The following MYO1C variants were observed in gnomAD, a reference collection of about 807,000 sequenced individuals.
MYO1C encodes unconventional myosin-Ic.
A neutral mutation model predicts 150.8 loss-of-function variants in MYO1C; 104 were observed. The ratio of observed to expected loss-of-function variants is 0.69; its 90% CI spans 0.59 to 0.81. MYO1C has a LOEUF of 0.81. Among genes scored for constraint, MYO1C ranks in the 30% least tolerant of loss-of-function variants. The pLI is 0.00. For missense variants in MYO1C, 1,504 were observed against 1,435.0 expected (o/e 1.05, Z -0.78); for synonymous variants, 663 against 579.9 (o/e 1.14, Z -2.06).
rs772024847 is a variant in MYO1C at position 1,465,763 on chromosome 17, GGAGA to G, written c.3166-15_3166-12del. 2.3e-6 allele frequency: 3 copies of G among 1,319,814 alleles called. No homozygotes were observed. Among genetic ancestry groups the G allele is most frequent in the South Asian group, 5.8e-5 (2 of 34,656 alleles). The allele number at this position is 1,319,814 out of a possible 1,614,324, so 81.8% of individuals were successfully genotyped here. A position where few individuals can be genotyped will look rare whatever the true frequency, so the allele number is the denominator to read the frequency against. On this transcript the variant is annotated splice_polypyrimidine_tract_variant and intron_variant, in intron 31 of 31. Transcript: ENST00000648651. ...CAGCCGTGGGGCGACCTGTGGGGGCGGAGAGAGACGGCCAAGTGGTGAGGGGAGC... is the reference window on the plus strand; with the variant it reads ...CAGCCGTGGGGCGACCTGTGGGGGCGGAGACGGCCAAGTGGTGAGGGGAGC...
chr17:1,470,773 T>C (rs1270898336), intron 21 of MYO1C, 84 bp from the exon 22 acceptor site: 1 of 1,400,904 alleles, frequency 7.1e-7, no homozygotes, highest in African/African-American at 1.4e-5. Flanking sequence ...ACGAGTGGCA[T>C]GAATGGGAGA....
At chr17:1,491,732 G>T (rs972007417) in intron 1 of MYO1C, 2 of 818,898 alleles carry the variant, frequency 2.4e-6, no homozygotes, top group African/African-American at 3.7e-5. Context: ...ATCCCGGGCA[G>T]GGCCGCGCAC....
At position 1,478,549 on chromosome 17, in the gene MYO1C, G is replaced by A. The variant is rs2074447598; in HGVS notation, c.1213-57C>T. On this transcript the variant is annotated intron_variant, in intron 10 of 31. Transcript: ENST00000648651. This position sits in a 1 kb window ranked among gnomAD's most constrained non-coding sequence, Gnocchi z 6.3. The stretch of plus-strand genomic sequence containing the variant: ...CCCCTGCGCGTGCCAGCCCCACCCT[G>A]CAGCACCCCCCGCCTCGCCGACGGC... 1 of 1,613,758 alleles carries A rather than the reference G, an allele frequency of 6.2e-7. No individual in the cohort carries two copies. Among genetic ancestry groups the A allele is most frequent in the South Asian group, 1.1e-5 (1 of 91,066 alleles).
rs1220825752 is a variant in MYO1C at position 1,474,788 on chromosome 17, C to T, written c.1716+24G>A. Reference sequence around the variant, plus strand: ...GCTGTGGGCTATCCCCACCCCCACCCCGGCCTCCCCACGTCCTCCTCACCT... The same window carrying T: ...GCTGTGGGCTATCCCCACCCCCACCTCGGCCTCCCCACGTCCTCCTCACCT... On this transcript the variant is annotated intron_variant, in intron 16 of 31. Transcript: ENST00000648651. 3.1e-6 allele frequency: 5 copies of T among 1,610,964 alleles called. No homozygotes were observed. In the African/African-American group the frequency reaches 6.7e-5, roughly 22 times the overall value.
At chr17:1,473,030 A>G (rs558263805) in intron 17 of MYO1C, among the ~76,000 whole-genome samples, 106 of 152,280 alleles carry the variant, frequency 7.0e-4, no homozygotes, top group African/African-American at 2.5e-3. Flanking sequence ...GTGAAACCCC[A>G]TCTCTACAAA....
intron 14 of MYO1C, among the ~76,000 whole-genome samples, chr17:1,475,628 C>T (rs918025886): frequency 1.3e-5 from 2 of 152,380 alleles, no homozygotes; most frequent in African/African-American, 4.8e-5. Flanking sequence ...GTGAGCTGCG[C>T]ACTACTTTTC....
At chr17:1,467,953 G>C (rs1460222198) in intron 28 of MYO1C, 35 bp downstream of exon 28, 1 of 1,612,930 alleles carries the variant, frequency 6.2e-7, no homozygotes, top group South Asian at 1.1e-5. Context: ...GGTCAGAGCA[G>C]GGCCCTCCCC....
Position 1,467,582 on chromosome 17 carries a change from G to A in MYO1C, c.2968-5C>T, listed in dbSNP as rs1174790728. 2 of 1,612,540 alleles carry A rather than the reference G, an allele frequency of 1.2e-6. No individual in the cohort carries two copies. The highest frequency in any genetic ancestry group is 1.7e-6 in the Non-Finnish European group (2 of 1,179,866). On this transcript the variant is annotated splice_region_variant and splice_polypyrimidine_tract_variant and intron_variant, in intron 29 of 31. Transcript: ENST00000648651. ...ACTCTGCAGCACCACATCTCCCTGGGGGGCCAGGCAGGAGGAGGGGTCAGG... is the reference window on the plus strand; with the variant it reads ...ACTCTGCAGCACCACATCTCCCTGGAGGGCCAGGCAGGAGGAGGGGTCAGG...
Position 1,478,168 on chromosome 17 carries a change from G to C in MYO1C, c.1320C>G (p.Tyr440Ter), listed in dbSNP as rs778227318. 1.9e-6 allele frequency: 3 copies of C among 1,613,972 alleles called. No individual in the cohort carries two copies. The change falls in exon 12 of 32, where the codon TAC (tyrosine) becomes TAG (stop). Residue 440 changes from tyrosine to a stop codon, truncating the protein, a stop_gained. Transcript: ENST00000648651. LOFTEE classifies it high-confidence loss of function. This position sits in a 1 kb window ranked among gnomAD's most constrained non-coding sequence, Gnocchi z 6.3. ...AGAGCTGCTGCAGCTTCTCGTTGCA[G>C]TAATTGATGCAGAACTGCTCAAAGC... The part of the protein sequence containing the change: ...HNSFEQFCIN[Y>*]CNEKLQQLFI...
chr17:1,484,951 GGGTTC>G (rs1284968513), intron 1 of MYO1C: 4 of 465,754 alleles, frequency 8.6e-6, no homozygotes, highest in African/African-American at 8.1e-5. Context: ...TACACCAGAG[GGGTTC>G]CCCCAGAGGG....
chr17:1,488,703 C>T (rs2074696018), intron 1 of MYO1C, among the ~76,000 whole-genome samples: 1 of 152,228 alleles, frequency 6.6e-6, no homozygotes, highest in African/African-American at 2.4e-5. Context: ...GTTCAGGCCC[C>T]TGTCGGTGTC....
At position 1,469,579 on chromosome 17, in the gene MYO1C, G is replaced by A; in HGVS notation, c.2562C>T (p.Asn854=). 4.3e-6 allele frequency: 7 copies of A among 1,613,348 alleles called. No homozygotes were observed. The highest frequency in any genetic ancestry group is 5.9e-6 in the Non-Finnish European group (7 of 1,179,760). ...SELLRELCIK[N]MVWKYCRSIS... ...TACTCCGGCAGTATTTCCACACCATGTTCTTTATGCACAACTCCCGCAGAA... is the reference window on the plus strand; with the variant it reads ...TACTCCGGCAGTATTTCCACACCATATTCTTTATGCACAACTCCCGCAGAA... The change falls in exon 25 of 32, where the codon AAC becomes AAT. Residue 854 remains asparagine, a synonymous_variant. Transcript: ENST00000648651.
rs766326076 is a variant in MYO1C at position 1,483,710 on chromosome 17, C to A, written c.247G>T (p.Val83Phe). Reference protein sequence around the residue: ...ENLIYTYIGPVLVSVNPYRDL... With the variant: ...ENLIYTYIGPFLVSVNPYRDL... The stretch of plus-strand genomic sequence containing the variant: ...CGGTAGGGATTGACAGAGACCAGGA[C>A]GGGGCCAATGTAGGTCTGGGATCGG... The change falls in exon 3 of 32, where the codon GTC becomes TTC. Residue 83 changes from valine to phenylalanine, a missense_variant. Physicochemically the swap from Val to Phe is conservative, Grantham distance 50. Transcript: ENST00000648651. The A allele has an allele frequency of 1.2e-6, 2 of 1,611,726 alleles. No homozygotes were observed. Among genetic ancestry groups the A allele is most frequent in the East Asian group, 2.2e-5 (1 of 44,820 alleles).
intron 1 of MYO1C, 86 bp downstream of exon 1, chr17:1,492,327 C>CT: frequency 7.2e-7 from 1 of 1,385,274 alleles, no homozygotes. Flanking sequence ...CTGCTCAGCT[C>CT]TTGCCCGAGG....
At chr17:1,483,903 G>C (rs1056002332) in intron 2 of MYO1C, among the ~76,000 whole-genome samples, 178 bp from the exon 3 acceptor site, 1 of 152,122 alleles carries the variant, frequency 6.6e-6, no homozygotes, top group Non-Finnish European at 1.5e-5. Flanking sequence ...TTAGCCGGGC[G>C]TGGTGGCGGG....
At chr17:1,476,223 G>C (rs945048418) in intron 14 of MYO1C, among the ~76,000 whole-genome samples, 1 of 150,576 alleles carries the variant, frequency 6.6e-6, no homozygotes, top group South Asian at 2.1e-4. Context: ...CTGTCATCCA[G>C]GCTGGAGTGC....
intron 23 of MYO1C, 32 bp from the exon 24 acceptor site, chr17:1,470,366 G>T (rs1355037925): frequency 4.6e-6 from 7 of 1,534,030 alleles, no homozygotes; most frequent in African/African-American, 4.1e-5. Flanking sequence ...GGTTGGGGGT[G>T]AGGGGCCTGG....
intron 14 of MYO1C, among the ~76,000 whole-genome samples, chr17:1,477,065 C>T (rs1173022358): frequency 6.6e-6 from 1 of 152,106 alleles, no homozygotes; most frequent in Non-Finnish European, 1.5e-5. Flanking sequence ...TTTTGAACTC[C>T]TAACCTAAGG....
At chr17:1,485,538 T>A (rs1337270199) in intron 1 of MYO1C, among the ~76,000 whole-genome samples, 2 of 151,368 alleles carry the variant, frequency 1.3e-5, no homozygotes, top group Non-Finnish European at 2.9e-5. Flanking sequence ...CGCGCCGCCC[T>A]CCCCGCCTCG....
Sources: gnomAD v4.1 joint callset for allele counts (sites outside exome capture counted in the v4.1 genomes callset) on GRCh38, gnomAD v4.1.1 for gene constraint, Gnocchi (gnomAD v3.1) non-coding constraint, MANE v1.5 for transcripts, NCBI Gene and HGNC (gene_info 2026-07-23, HGNC 2026-07-21) for gene names.